ARHGAP24: variants seen among roughly 807,000 people sequenced by gnomAD.
ARHGAP24 encodes the protein rho GTPase-activating protein 24.
In ARHGAP24, 50 loss-of-function variants were observed where a neutral mutation model predicts 76.4. The ratio of observed to expected loss-of-function variants is 0.65; its 90% CI spans 0.52 to 0.83. The LOEUF is 0.83. ARHGAP24 is among the 40% of genes least tolerant of loss of function. ARHGAP24 has a pLI of 0.00. For synonymous variants in ARHGAP24, 345 were observed against 323.3 expected (o/e 1.07, Z -0.72); for missense variants, 930 against 914.2 (o/e 1.02, Z -0.22).
chr4:85,633,247 G>GT (rs1721215345), intron 2 of ARHGAP24, among the ~76,000 whole-genome samples: 1 of 151,752 alleles, frequency 6.6e-6, no homozygotes, highest in African/African-American at 2.4e-5. Context: ...TATCTTATGG[G>GT]TTATCTGTCA....
chr4:85,546,931 T>G (rs911003541), intron 1 of ARHGAP24, among the ~76,000 whole-genome samples: 3 of 152,226 alleles, frequency 2.0e-5, no homozygotes, highest in Admixed American at 2.0e-4. Context: ...TATTTATTAT[T>G]TTTTTCTGAA....
intron 2 of ARHGAP24, among the ~76,000 whole-genome samples, chr4:85,614,956 G>T (rs1021194694): frequency 2.0e-5 from 3 of 151,784 alleles, no homozygotes; most frequent in African/African-American, 7.3e-5. Flanking sequence ...AATTTGACTT[G>T]GTTTCATGTG....
intron 1 of ARHGAP24, among the ~76,000 whole-genome samples, chr4:85,549,831 G>A (rs1419116998): frequency 2.6e-5 from 4 of 152,090 alleles, no homozygotes; most frequent in Non-Finnish European, 5.9e-5. Flanking sequence ...TCAATGTTTA[G>A]CTCCCACATA....
At chr4:85,730,046 G>A (rs34820504) in intron 3 of ARHGAP24, among the ~76,000 whole-genome samples, 22,882 of 152,088 alleles carry the variant, frequency 0.15, 2,362 homozygotes, top group East Asian at 0.55. Flanking sequence ...TCAAAATCAT[G>A]ATTCAGGAAC....
At chr4:85,561,477 G>A (rs1264275070) in intron 1 of ARHGAP24, among the ~76,000 whole-genome samples, 1 of 152,170 alleles carries the variant, frequency 6.6e-6, no homozygotes, top group East Asian at 1.9e-4. Context: ...AGAGTGAGGG[G>A]ACAGAAAGTG....
intron 5 of ARHGAP24, among the ~76,000 whole-genome samples, chr4:85,946,444 C>T (rs947961752): frequency 2.2e-4 from 33 of 152,114 alleles, no homozygotes; most frequent in African/African-American, 9.7e-5. Flanking sequence ...GAGCGTAGTA[C>T]GCCAATAGGC....
Position 85,926,174 on chromosome 4 carries a change from C to T in ARHGAP24, c.391+2404C>T, listed in dbSNP as rs115720308. On this transcript the variant is annotated intron_variant, in intron 4 of 9. Transcript: ENST00000395184. ...AGCTGTATATGTGAATCTTCAAATT[C>T]ATGAACCTGGAAGGGACACTCAAAT... Among the ~76,000 whole-genome samples, 1,403 of 152,250 alleles carry T rather than the reference C, an allele frequency of 9.2e-3. 11 individuals carry two copies. The highest frequency in any genetic ancestry group is 0.015 in the Non-Finnish European group (998 of 68,010).
intron 3 of ARHGAP24, among the ~76,000 whole-genome samples, chr4:85,903,005 C>T (rs1347231374): frequency 1.3e-5 from 2 of 152,312 alleles, no homozygotes; most frequent in South Asian, 2.1e-4. Context: ...TGTTCTATAT[C>T]CTCATTTTCT....
intron 1 of ARHGAP24, among the ~76,000 whole-genome samples, chr4:85,568,310 C>T (rs371698379): frequency 2.9e-4 from 21 of 72,978 alleles, no homozygotes; most frequent in African/African-American, 7.3e-4. Context: ...ATGTTTGTTG[C>T]GGGGGGGAGG....
chr4:85,834,467 C>G (rs895700731), intron 3 of ARHGAP24, among the ~76,000 whole-genome samples: 6 of 152,086 alleles, frequency 3.9e-5, no homozygotes, highest in African/African-American at 1.4e-4. Context: ...AATACTTCAC[C>G]CATCTCGCCA....
At chr4:85,949,023 C>T (rs982770944) in intron 5 of ARHGAP24, among the ~76,000 whole-genome samples, 2 of 152,176 alleles carry the variant, frequency 1.3e-5, no homozygotes, top group Non-Finnish European at 2.9e-5. Flanking sequence ...CAGCATTTGG[C>T]CTGAAAACCT....
At chr4:85,605,152 G>T (rs1720149861) in intron 2 of ARHGAP24, among the ~76,000 whole-genome samples, 1 of 152,022 alleles carries the variant, frequency 6.6e-6, no homozygotes, top group Non-Finnish European at 1.5e-5. Context: ...TTTCTTTTTT[G>T]TGTCTAGATT....
chr4:85,591,038 T>G (rs1037929727), intron 2 of ARHGAP24, among the ~76,000 whole-genome samples: 4 of 130,244 alleles, frequency 3.1e-5, no homozygotes, highest in Non-Finnish European at 4.9e-5. Flanking sequence ...TGGGTTTTTT[T>G]TTTTTTTTTT....
At chr4:85,551,723 G>A (rs937751506) in intron 1 of ARHGAP24, among the ~76,000 whole-genome samples, 3 of 152,018 alleles carry the variant, frequency 2.0e-5, no homozygotes, top group African/African-American at 4.8e-5. Context: ...GTCTGTTCAG[G>A]GATTCAGTTT....
intron 3 of ARHGAP24, among the ~76,000 whole-genome samples, chr4:85,767,627 A>G (rs1726978575): frequency 6.8e-6 from 1 of 147,382 alleles, no homozygotes; most frequent in Admixed American, 6.9e-5. Context: ...GTTCTTTGGC[A>G]TATAGATTAC....
intron 9 of ARHGAP24, among the ~76,000 whole-genome samples, chr4:85,997,217 T>C (rs1339174221): frequency 6.6e-6 from 1 of 152,154 alleles, no homozygotes; most frequent in African/African-American, 2.4e-5. Flanking sequence ...TTTCTTTAAA[T>C]TCCTTTATAA....
intron 5 of ARHGAP24, among the ~76,000 whole-genome samples, chr4:85,952,991 T>C (rs1685869037): frequency 6.6e-6 from 1 of 152,182 alleles, no homozygotes; most frequent in African/African-American, 2.4e-5. Context: ...ATATTGAATA[T>C]TATTTTGTTA....
chr4:85,680,262 C>T (rs530003418), intron 2 of ARHGAP24, among the ~76,000 whole-genome samples: 12 of 152,274 alleles, frequency 7.9e-5, no homozygotes, highest in African/African-American at 2.9e-4. Flanking sequence ...CCTTGAACAA[C>T]TCTCATTTCA....
At chr4:85,888,207 C>G (rs914199802) in intron 3 of ARHGAP24, among the ~76,000 whole-genome samples, 2 of 151,984 alleles carry the variant, frequency 1.3e-5, no homozygotes, top group Non-Finnish European at 2.9e-5. Flanking sequence ...TTGAGACCAG[C>G]CTGGGCAACA....
Sources: allele counts gnomAD v4.1 joint callset (sites outside exome capture counted in the v4.1 genomes callset), GRCh38; gene constraint gnomAD v4.1.1; transcripts MANE v1.5; gene names NCBI Gene and HGNC (gene_info 2026-07-23, HGNC 2026-07-21).